CEACAM18: variants seen among roughly 807,000 people sequenced by gnomAD.
CEACAM18 encodes CEA cell adhesion molecule 18.
In CEACAM18, 33 loss-of-function variants were observed where a neutral mutation model predicts 34.3. The observed-to-expected ratio is 0.96, with a 90% confidence interval of 0.73 to 1.29. The LOEUF is 1.29. Among genes scored for constraint, CEACAM18 ranks in the 50% most tolerant of loss-of-function variants. The pLI, the probability that CEACAM18 is intolerant of heterozygous loss-of-function variation, is 0.00. For synonymous variants in CEACAM18, 169 were observed against 180.9 expected (o/e 0.93, Z 0.53); for missense variants, 474 against 485.0 (o/e 0.98, Z 0.21).
At chr19:51,483,875 A>G (rs1568524456) in intron 4 of CEACAM18, among the ~76,000 whole-genome samples, 1 of 152,160 alleles carries the variant, frequency 6.6e-6, no homozygotes, top group Non-Finnish European at 1.5e-5. Context: ...AAATGGGGAA[A>G]GCATCTTCTT....
At chr19:51,479,391 G>A (rs1364652873) in intron 1 of CEACAM18, among the ~76,000 whole-genome samples, 1 of 152,186 alleles carries the variant, frequency 6.6e-6, no homozygotes, top group African/African-American at 2.4e-5. Context: ...AAGACATGTA[G>A]AAATTCTCGG....
At chr19:51,487,662 A>G (rs1318675284) in intron 5 of CEACAM18, among the ~76,000 whole-genome samples, 3 of 152,086 alleles carry the variant, frequency 2.0e-5, no homozygotes, top group Non-Finnish European at 4.4e-5. Context: ...GTTACTTGGG[A>G]GGCTGAGGCA....
chr19:51,488,141 G>C (rs545314048), intron 5 of CEACAM18, among the ~76,000 whole-genome samples: 3 of 152,304 alleles, frequency 2.0e-5, no homozygotes, highest in African/African-American at 7.2e-5. Flanking sequence ...AGAGAAGAGA[G>C]CTCGAGGTGG....
At chr19:51,483,807 G>A (rs968638408) in intron 4 of CEACAM18, among the ~76,000 whole-genome samples, 1 of 152,226 alleles carries the variant, frequency 6.6e-6, no homozygotes, top group Non-Finnish European at 1.5e-5. Context: ...TGGGTGGACG[G>A]GGAGTAGAGA....
chr19:51,481,418 C>G, exon 3 of CEACAM18: 1 of 1,613,906 alleles, frequency 6.2e-7, no homozygotes, highest in Non-Finnish European at 8.5e-7. Flanking sequence ...TGGGCATCTC[C>G]GTCAATGCCA....
intron 1 of CEACAM18, 29 bp downstream of exon 1, chr19:51,478,723 T>A: frequency 7.3e-7 from 1 of 1,362,442 alleles, no homozygotes; most frequent in Non-Finnish European, 9.6e-7. Context: ...TGGATGAGCT[T>A]CCCAGGACTG....
Position 51,481,752 on chromosome 19 carries a change from G to T in CEACAM18, c.673+87G>T, listed in dbSNP as rs145950476. ...GAATATGTTAGGACAGGCTGAGCTGGAGAGAGGGGGCATCCTGGGCCAGCC... is the reference window on the plus strand; with the variant it reads ...GAATATGTTAGGACAGGCTGAGCTGTAGAGAGGGGGCATCCTGGGCCAGCC... On this transcript the variant is annotated intron_variant, in intron 3 of 5. Coordinates refer to ENST00000396477, the Ensembl canonical transcript of CEACAM18. 3.1e-4 allele frequency: 430 copies of T among 1,379,276 alleles called. 4 individuals carry two copies. The East Asian group carries it at 9.5e-3, about 30-fold the overall frequency. 85.4% of individuals were successfully genotyped at this position (1,379,276 alleles called of 1,614,324 possible). A position where few individuals can be genotyped will look rare whatever the true frequency, so the allele number is the denominator to read the frequency against.
At chr19:51,487,146 G>T (rs1036868751) in intron 5 of CEACAM18, among the ~76,000 whole-genome samples, 3 of 152,172 alleles carry the variant, frequency 2.0e-5, no homozygotes, top group African/African-American at 7.2e-5. Context: ...GTAAGATTTA[G>T]TACCTGTTTC....
At chr19:51,485,044 T>C in exon 5 of CEACAM18, 1 of 1,536,092 alleles carries the variant, frequency 6.5e-7, no homozygotes, top group Non-Finnish European at 8.7e-7. Flanking sequence ...GTGATGTTCC[T>C]CATCATGCTG....
chr19:51,487,966 G>A (rs906522552), intron 5 of CEACAM18, among the ~76,000 whole-genome samples: 7 of 152,112 alleles, frequency 4.6e-5, no homozygotes, highest in African/African-American at 1.4e-4. Flanking sequence ...AGACCATTTC[G>A]TCATTGCCAA....
At chr19:51,487,468 TA>T (rs1222996827) in intron 5 of CEACAM18, among the ~76,000 whole-genome samples, 1 of 150,402 alleles carries the variant, frequency 6.6e-6, no homozygotes, top group Non-Finnish European at 1.5e-5. Flanking sequence ...ACACCCTGTA[TA>T]AAAAATAAAT....
chr19:51,483,396 A>T (rs1178876169), intron 4 of CEACAM18, 100 bp downstream of exon 4: 3 of 1,405,144 alleles, frequency 2.1e-6, no homozygotes, highest in Non-Finnish European at 3.0e-6. Flanking sequence ...CCACTGTGCC[A>T]TGACATGCTC....
chr19:51,486,153 A>G (rs1162842024), intron 5 of CEACAM18, among the ~76,000 whole-genome samples: 1 of 152,114 alleles, frequency 6.6e-6, no homozygotes, highest in African/African-American at 2.4e-5. Flanking sequence ...AGTGGTGATG[A>G]TGATGATGAC....
Position 51,483,336 on chromosome 19 carries a change from C to T in CEACAM18, c.953+40C>T, listed in dbSNP as rs754626423. On this transcript the variant is annotated intron_variant, in intron 4 of 5. Coordinates refer to ENST00000396477, the Ensembl canonical transcript of CEACAM18. Reference sequence around the variant, plus strand: ...CTCCAGGCTCATGCTTTGCACATCTCCCTGCCTCCATGCCCTGCTAGGCAG... The same window carrying T: ...CTCCAGGCTCATGCTTTGCACATCTTCCTGCCTCCATGCCCTGCTAGGCAG... The T allele has an allele frequency of 7.4e-6, 12 of 1,611,830 alleles. No homozygotes were observed. In the East Asian group the frequency reaches 2.5e-4, roughly 33 times the overall value.
chr19:51,485,829 C>G (rs77287942), intron 5 of CEACAM18, among the ~76,000 whole-genome samples: 9 of 152,170 alleles, frequency 5.9e-5, no homozygotes, highest in African/African-American at 2.4e-5. Context: ...GACATTTAGC[C>G]GCATAACTGG....
chr19:51,483,660 G>A (rs1458978211), intron 4 of CEACAM18, among the ~76,000 whole-genome samples: 5 of 152,218 alleles, frequency 3.3e-5, no homozygotes, highest in African/African-American at 1.2e-4. Flanking sequence ...CATGGAGTTT[G>A]AGTGCTTATT....
exon 6 of CEACAM18, chr19:51,490,835 G>A: frequency 2.5e-6 from 1 of 393,048 alleles, no homozygotes. Flanking sequence ...GATGTCGTGG[G>A]TAGCGTGGCC....
chr19:51,484,336 CA>C (rs1235723108), intron 4 of CEACAM18, among the ~76,000 whole-genome samples: 1 of 140,202 alleles, frequency 7.1e-6, no homozygotes, highest in Non-Finnish European at 1.5e-5. Context: ...TTTTTTTTAA[CA>C]GAGTCTCGCT....
rs1005311109 is a variant in CEACAM18, at chr19:51,480,321, T to C, written c.53-12T>C. The C allele has an allele frequency of 1.3e-6, 2 of 1,577,176 alleles. No homozygotes were observed. Among genetic ancestry groups the C allele is most frequent in the East Asian group, 2.3e-5 (1 of 43,926 alleles). ...TGAATTTCTCTCTGTCTTTTTTCCT[T>C]GTCTTCTTCAGCCAGTCTGCTGGCC... On this transcript the variant is annotated splice_polypyrimidine_tract_variant and intron_variant, in intron 1 of 5. Coordinates refer to ENST00000396477, the Ensembl canonical transcript of CEACAM18.
Sources: allele counts gnomAD v4.1 joint callset (sites outside exome capture counted in the v4.1 genomes callset), GRCh38; gene constraint gnomAD v4.1.1; transcripts MANE v1.5; gene names NCBI Gene and HGNC (gene_info 2026-07-23, HGNC 2026-07-21).